Variants in FHOD3 observed in about 807,000 individuals in gnomAD.
FHOD3 encodes formin homology 2 domain containing 3.
Under a neutral mutation model 173.0 loss-of-function variants are expected in FHOD3, and 90 were observed. That is an observed-to-expected ratio of 0.52 (90% confidence interval 0.44 to 0.62). The LOEUF (loss-of-function observed/expected upper bound fraction) is 0.62. Ranked by LOEUF, FHOD3 falls within the 20% of genes least tolerant of loss-of-function variation. The pLI is 0.00. For synonymous variants in FHOD3, 828 were observed against 823.0 expected, an observed-to-expected ratio of 1.01 and a Z score of -0.10; for missense variants, 1,945 against 2,034.7, an observed-to-expected ratio of 0.96 and a Z score of 0.85.
intron 5 of FHOD3, among the ~76,000 whole-genome samples, chr18:36,570,467 T>G (rs2058414625): frequency 6.6e-6 from 1 of 152,000 alleles, no homozygotes; most frequent in Non-Finnish European, 1.5e-5. Context: ...CACCAAACAT[T>G]TAAAGATAAA....
intron 3 of FHOD3, among the ~76,000 whole-genome samples, chr18:36,437,665 C>CTTTTTTTTTTTTTTTTTTTTTT (rs1555704498): frequency 4.3e-5 from 3 of 69,440 alleles, no homozygotes; most frequent in African/African-American, 1.3e-4. Flanking sequence ...TTCTTTCTTT[C>CTTTTTTTTTTTTTTTTTTTTTT]TTTTTTTTTT....
chr18:36,334,436 C>T (rs1044586991), intron 1 of FHOD3, among the ~76,000 whole-genome samples: 1 of 152,196 alleles, frequency 6.6e-6, no homozygotes, highest in East Asian at 1.9e-4. Flanking sequence ...GAGACAGAAG[C>T]CATCCTTTCA....
chr18:36,512,583 A>T, intron 5 of FHOD3, 40 bp downstream of exon 5: 1 of 1,429,718 alleles, frequency 7.0e-7, no homozygotes, highest in African/African-American at 1.4e-5. Context: ...CCCCAGCTGC[A>T]GGGGGGATCT....
intron 1 of FHOD3, among the ~76,000 whole-genome samples, chr18:36,339,098 C>T (rs1397552224): frequency 1.3e-5 from 2 of 152,074 alleles, no homozygotes; most frequent in Non-Finnish European, 1.5e-5. Context: ...CATCAGATCA[C>T]CTGTGGGTGG....
chr18:36,403,717 CAA>C (rs766391852), intron 3 of FHOD3, among the ~76,000 whole-genome samples: 239 of 152,296 alleles, frequency 1.6e-3, no homozygotes, highest in Non-Finnish European at 2.9e-3. Flanking sequence ...AACTATCAGT[CAA>C]AGACATTTCA....
chr18:36,396,247 TG>T (rs2048550538), intron 3 of FHOD3, among the ~76,000 whole-genome samples: 1 of 152,216 alleles, frequency 6.6e-6, no homozygotes, highest in Admixed American at 6.5e-5. Context: ...CTCAAATACA[TG>T]GGGGATCTTT....
intron 5 of FHOD3, among the ~76,000 whole-genome samples, chr18:36,575,313 C>T (rs2058607999): frequency 2.0e-5 from 3 of 152,250 alleles, no homozygotes; most frequent in East Asian, 1.9e-4. Context: ...GGATAGGATG[C>T]ATTTTCTAAT....
chr18:36,436,189 C>G (rs933435605), intron 3 of FHOD3, among the ~76,000 whole-genome samples: 1 of 152,136 alleles, frequency 6.6e-6, no homozygotes, highest in East Asian at 1.9e-4. Context: ...TGGAAAAGTT[C>G]TGTGGAAAAT....
At chr18:36,495,143 G>A (rs1019050723) in intron 3 of FHOD3, among the ~76,000 whole-genome samples, 2 of 152,062 alleles carry the variant, frequency 1.3e-5, no homozygotes, top group Non-Finnish European at 2.9e-5. Flanking sequence ...ATTTCACCAG[G>A]TTGCTCAGTC....
intron 25 of FHOD3, among the ~76,000 whole-genome samples, chr18:36,758,537 G>A (rs550688933): frequency 3.3e-5 from 5 of 152,180 alleles, no homozygotes; most frequent in East Asian, 3.9e-4. Context: ...TGAACACGCT[G>A]CTGGAGCAGT....
At chr18:36,390,935 A>G (rs990797280) in intron 3 of FHOD3, among the ~76,000 whole-genome samples, 1 of 152,246 alleles carries the variant, frequency 6.6e-6, no homozygotes, top group African/African-American at 2.4e-5. Context: ...ATTTACCTGT[A>G]TGGACAGGTA....
At chr18:36,572,351 G>A (rs1273996358) in intron 5 of FHOD3, among the ~76,000 whole-genome samples, 1 of 152,098 alleles carries the variant, frequency 6.6e-6, no homozygotes, top group African/African-American at 2.4e-5. Context: ...TTCTGTGTGG[G>A]TTTTATTCTC....
Position 36,709,220 on chromosome 18 carries a change from G to A in FHOD3, c.2362G>A (p.Glu788Lys), listed in dbSNP as rs2040038298. 6.2e-7 allele frequency: 1 copy of A among 1,614,174 alleles called. No individual in the cohort carries two copies. Among genetic ancestry groups the A allele is most frequent in the Non-Finnish European group, 8.5e-7 (1 of 1,180,036 alleles). Residue 788 changes from glutamate (E) to lysine (K), a missense_variant, in exon 18 of 29, where the codon GAG (glutamate) becomes AAG (lysine). Glu to Lys is a moderately conservative substitution (Grantham distance 56). Coordinates refer to ENST00000590592, the MANE Select transcript of FHOD3 (RefSeq NM_001281740.3). ...CCACGAGGGTGCAGAGACTGAAGTG[G>A]AGCAGGCACTAGAGCAAGAGCCGGA... The part of the protein sequence containing the change: ...SAHEGAETEV[E>K]QALEQEPEER...
chr18:36,389,879 C>T (rs1404765013), intron 3 of FHOD3, among the ~76,000 whole-genome samples: 1 of 152,078 alleles, frequency 6.6e-6, no homozygotes, highest in Non-Finnish European at 1.5e-5. Flanking sequence ...AATGAGTGTC[C>T]TATTCTGAGG....
intron 1 of FHOD3, among the ~76,000 whole-genome samples, chr18:36,331,640 A>C (rs994731785): frequency 1.3e-5 from 2 of 152,204 alleles, no homozygotes; most frequent in African/African-American, 4.8e-5. Context: ...ACAACTTTGG[A>C]AGGGGTTCAG....
At chr18:36,730,272 C>T (rs1327781400) in intron 19 of FHOD3, among the ~76,000 whole-genome samples, 1 of 152,164 alleles carries the variant, frequency 6.6e-6, no homozygotes, top group Non-Finnish European at 1.5e-5. Flanking sequence ...TGTATGAAGG[C>T]CAACCAAGAC....
intron 3 of FHOD3, among the ~76,000 whole-genome samples, chr18:36,479,439 G>T (rs559509462): frequency 6.6e-6 from 1 of 152,186 alleles, no homozygotes; most frequent in Non-Finnish European, 1.5e-5. Context: ...TTCCTTGCTT[G>T]CTTAATATTA....
intron 20 of FHOD3, among the ~76,000 whole-genome samples, chr18:36,731,438 C>T (rs574077045): frequency 6.6e-6 from 1 of 152,318 alleles, no homozygotes; most frequent in South Asian, 2.1e-4. Flanking sequence ...CAGGTTAAAT[C>T]TCTTATTATA....
At chr18:36,445,425 T>C (rs2051409889) in intron 3 of FHOD3, among the ~76,000 whole-genome samples, 1 of 152,208 alleles carries the variant, frequency 6.6e-6, no homozygotes, top group Non-Finnish European at 1.5e-5. Flanking sequence ...GCAGGCATTT[T>C]ATTTAACCTC....
Sources: gnomAD v4.1 joint callset for allele counts (sites outside exome capture counted in the v4.1 genomes callset) on GRCh38, gnomAD v4.1.1 for gene constraint, MANE v1.5 for transcripts, NCBI Gene and HGNC (gene_info 2026-07-23, HGNC 2026-07-21) for gene names.